STAG1: variants seen among roughly 807,000 people sequenced by gnomAD.
STAG1 encodes cohesin subunit SA-1.
A neutral mutation model predicts 170.9 loss-of-function variants in STAG1; 26 were observed. That is an observed-to-expected ratio of 0.15 (90% CI 0.11 to 0.21). The LOEUF (loss-of-function observed/expected upper bound fraction) is 0.21. Ranked by LOEUF, STAG1 falls within the 10% of genes least tolerant of loss-of-function variation. The pLI, the probability that STAG1 is intolerant of heterozygous loss-of-function variation, is 1.00. For synonymous variants in STAG1, 514 were observed against 497.7 expected, an observed-to-expected ratio of 1.03 and a Z score of -0.44; for missense variants, 964 against 1,509.5, an observed-to-expected ratio of 0.64 and a Z score of 5.99.
intron 23 of STAG1, among the ~76,000 whole-genome samples, chr3:136,370,530 T>G (rs1024228058): frequency 4.9e-4 from 74 of 152,122 alleles, no homozygotes; most frequent in Non-Finnish European, 3.2e-4. Flanking sequence ...CCCACAACAG[T>G]CCCCAGTGTG....
At chr3:136,366,528 T>C (rs1216576711) in intron 25 of STAG1, among the ~76,000 whole-genome samples, 6 of 152,096 alleles carry the variant, frequency 3.9e-5, no homozygotes, top group Admixed American at 3.9e-4. Context: ...CACCCAAACA[T>C]GAAGACACAA....
intron 1 of STAG1, among the ~76,000 whole-genome samples, chr3:136,738,900 A>G (rs912015071): frequency 6.6e-6 from 1 of 152,206 alleles, no homozygotes; most frequent in Non-Finnish European, 1.5e-5. Flanking sequence ...CACCATAAAC[A>G]TAATTTGTCC....
rs767145786 is a variant in STAG1 at position 136,640,678 on chromosome 3, G to GTT, written c.-83-9699_-83-9698dup. 7.2e-5 allele frequency among the ~76,000 whole-genome samples: 9 copies of GTT among 125,036 alleles called. No individual in the cohort carries two copies. The South Asian group carries it at 1.0e-3, about 14-fold the overall frequency. 82.0% of individuals were successfully genotyped at this position (125,036 alleles called of 152,430 possible). A position where few individuals can be genotyped will look rare whatever the true frequency, so the allele number is the denominator to read the frequency against. ...GCCACCGCACCTGGCCTGTTTTGTT[G>GTT]TTTTTTTTTTTTTTAGACAGAGTCT... On this transcript the variant is annotated intron_variant, in intron 1 of 33. Transcript: ENST00000383202.
intron 1 of STAG1, among the ~76,000 whole-genome samples, chr3:136,733,084 C>CTTTTT (rs55935142): frequency 1.6e-5 from 2 of 128,302 alleles, no homozygotes; most frequent in African/African-American, 2.9e-5. Context: ...TAAAACCTAA[C>CTTTTT]TTTTTTTTTT....
At chr3:136,418,057 A>C in intron 20 of STAG1, 85 bp from the exon 21 acceptor site, 14 of 1,066,050 alleles carry the variant, frequency 1.3e-5, no homozygotes, top group Non-Finnish European at 2.0e-5. Flanking sequence ...TGGAAGAATA[A>C]AATAATTTCA....
chr3:136,683,536 T>G (rs1381712923), intron 1 of STAG1, among the ~76,000 whole-genome samples: 5 of 152,166 alleles, frequency 3.3e-5, no homozygotes, highest in African/African-American at 4.8e-5. Flanking sequence ...AGTGCTAGGA[T>G]TACTGGCACG....
At chr3:136,567,499 C>T (rs1937127456) in intron 5 of STAG1, among the ~76,000 whole-genome samples, 1 of 152,208 alleles carries the variant, frequency 6.6e-6, no homozygotes, top group Non-Finnish European at 1.5e-5. Flanking sequence ...AATCTCACAT[C>T]AGAGTTTATT....
chr3:136,634,614 A>G (rs200241244), intron 1 of STAG1, among the ~76,000 whole-genome samples: 34 of 93,560 alleles, frequency 3.6e-4, no homozygotes, highest in East Asian at 9.1e-4. Flanking sequence ...GCTTTTAGGG[A>G]AAAAAAAAAA....
intron 4 of STAG1, among the ~76,000 whole-genome samples, chr3:136,575,214 T>C (rs1482368485): frequency 1.3e-5 from 2 of 152,112 alleles, no homozygotes; most frequent in Non-Finnish European, 2.9e-5. Flanking sequence ...GAATCTACCT[T>C]TTTGGTAGTG....
Position 136,473,247 on chromosome 3 carries a change from T to C in STAG1, c.1125+292A>G, listed in dbSNP as rs555250687. Among the ~76,000 whole-genome samples the C allele has an allele frequency of 3.9e-5, 6 of 152,268 alleles. No individual in the cohort carries two copies. In the East Asian group the frequency reaches 9.7e-4, roughly 25 times the overall value. On this transcript the variant is annotated intron_variant, in intron 11 of 33. Transcript: ENST00000383202. Reference sequence around the variant, plus strand: ...TCAGGGCTGCAATGATTCTACCTTATGGTGAGTTGTATAATTGTTTCATTA... The same window carrying C: ...TCAGGGCTGCAATGATTCTACCTTACGGTGAGTTGTATAATTGTTTCATTA...
intron 23 of STAG1, among the ~76,000 whole-genome samples, chr3:136,375,478 G>A (rs1937541174): frequency 6.6e-6 from 1 of 152,126 alleles, no homozygotes; most frequent in South Asian, 2.1e-4. Flanking sequence ...TGTATATCTG[G>A]TTGTCCAACT....
chr3:136,739,458 C>G (rs1248967689), intron 1 of STAG1, among the ~76,000 whole-genome samples: 1 of 148,000 alleles, frequency 6.8e-6, no homozygotes, highest in African/African-American at 2.5e-5. Flanking sequence ...CTGCAGTGAG[C>G]CGTGATCACG....
At chr3:136,533,339 TA>T (rs1358831303) in intron 6 of STAG1, among the ~76,000 whole-genome samples, 2 of 152,230 alleles carry the variant, frequency 1.3e-5, no homozygotes, top group East Asian at 3.9e-4. Context: ...ATTTTTTCTT[TA>T]AAAAAAGGTT....
At chr3:136,724,871 G>C (rs1296591646) in intron 1 of STAG1, among the ~76,000 whole-genome samples, 1 of 152,058 alleles carries the variant, frequency 6.6e-6, no homozygotes, top group Admixed American at 6.6e-5. Flanking sequence ...AGTAATACCA[G>C]AGAGCTCTAT....
chr3:136,559,189 G>T (rs753274003), intron 5 of STAG1, among the ~76,000 whole-genome samples: 66 of 151,644 alleles, frequency 4.4e-4, no homozygotes, highest in Non-Finnish European at 8.8e-4. Flanking sequence ...TACAGGTGAG[G>T]AGATAAGAAT....
chr3:136,724,573 CTG>C (rs1365710845), intron 1 of STAG1, among the ~76,000 whole-genome samples: 1 of 146,482 alleles, frequency 6.8e-6, no homozygotes, highest in East Asian at 2.0e-4. Flanking sequence ...AAATCCCCCT[CTG>C]TGAGAAACAC....
intron 6 of STAG1, among the ~76,000 whole-genome samples, chr3:136,522,167 T>C (rs533674891): frequency 6.6e-6 from 1 of 152,224 alleles, no homozygotes; most frequent in Non-Finnish European, 1.5e-5. Context: ...TGCCTGAATA[T>C]TCTCAATGTG....
chr3:136,431,203 CCATTCCTTCTTTTTT>C (rs578037573), intron 16 of STAG1, among the ~76,000 whole-genome samples: 26 of 152,016 alleles, frequency 1.7e-4, no homozygotes, highest in African/African-American at 6.3e-4. Flanking sequence ...TGCACCCAGC[CCATTCCTTCTTTTTT>C]CATTCCTTCT....
intron 6 of STAG1, among the ~76,000 whole-genome samples, chr3:136,521,827 T>C (rs1471636491): frequency 6.6e-6 from 1 of 152,210 alleles, no homozygotes; most frequent in African/African-American, 2.4e-5. Context: ...TTCAATATTT[T>C]AAATTGAATT....
Sources: gnomAD v4.1 joint callset for allele counts (sites outside exome capture counted in the v4.1 genomes callset) on GRCh38, gnomAD v4.1.1 for gene constraint, MANE v1.5 for transcripts, NCBI Gene and HGNC (gene_info 2026-07-23, HGNC 2026-07-21) for gene names.